Variants in CRADD observed in about 807,000 individuals in gnomAD.
The protein encoded by CRADD is CARD and death domain containing adaptor protein, also known as death domain-containing protein CRADD.
In CRADD, 9 loss-of-function variants were observed where a neutral mutation model predicts 15.5. That is an observed-to-expected ratio of 0.58 (90% confidence interval 0.35 to 1.01). The LOEUF is 1.01. CRADD is among the 50% of genes least tolerant of loss of function. CRADD has a pLI of 0.02. For synonymous variants in CRADD, 118 were observed against 107.6 expected (o/e 1.10, Z -0.60); for missense variants, 227 against 250.3 (o/e 0.91, Z 0.63).
At chr12:93,798,288 G>A (rs1262894433) in intron 2 of CRADD, among the ~76,000 whole-genome samples, 2 of 151,990 alleles carry the variant, frequency 1.3e-5, no homozygotes, top group East Asian at 3.9e-4. Flanking sequence ...AATGTTCTTG[G>A]GGACACTGCC....
At chr12:93,734,949 G>A (rs970507416) in intron 2 of CRADD, among the ~76,000 whole-genome samples, 6 of 152,132 alleles carry the variant, frequency 3.9e-5, no homozygotes, top group Non-Finnish European at 5.9e-5. Context: ...TACCATATGT[G>A]CTTTCTCATA....
chr12:93,689,143 A>G (rs557598432), intron 2 of CRADD, among the ~76,000 whole-genome samples: 8 of 152,276 alleles, frequency 5.3e-5, no homozygotes, highest in Non-Finnish European at 7.4e-5. Flanking sequence ...TGATCAGGAG[A>G]TAGTGTGTTG....
chr12:93,807,146 C>T (rs1957548499), intron 2 of CRADD, among the ~76,000 whole-genome samples: 1 of 152,150 alleles, frequency 6.6e-6, no homozygotes, highest in Non-Finnish European at 1.5e-5. Context: ...TGCCCAAAGG[C>T]TCTCAGGCAG....
chr12:93,887,735 A>T (rs983037864), intron 2 of CRADD, among the ~76,000 whole-genome samples: 2 of 152,224 alleles, frequency 1.3e-5, no homozygotes, highest in Non-Finnish European at 2.9e-5. Context: ...TAGTCACAAA[A>T]ATAAAATTTA....
chr12:93,719,079 A>G (rs1956214636), intron 2 of CRADD, among the ~76,000 whole-genome samples: 2 of 152,152 alleles, frequency 1.3e-5, no homozygotes, highest in Admixed American at 1.3e-4. Flanking sequence ...ACTGTTAAGT[A>G]TGATGTTAGC....
chr12:93,794,858 A>G (rs770118572), intron 2 of CRADD, among the ~76,000 whole-genome samples: 61 of 152,150 alleles, frequency 4.0e-4, no homozygotes, highest in African/African-American at 1.0e-3. Context: ...CTGTTCTTCA[A>G]ATATACCAAG....
chr12:93,867,405 T>TGTATATATATATATATATATA (rs1207739624), intron 2 of CRADD, among the ~76,000 whole-genome samples: 1 of 102,072 alleles, frequency 9.8e-6, no homozygotes, highest in African/African-American at 3.1e-5. Context: ...ATATATATAT[T>TGTATATATATATATATATATA]TTTTAAACTT....
rs931183565 is a variant in CRADD, at chr12:93,677,435, G to C, written c.-44G>C. On this transcript the variant is annotated 5_prime_UTR_variant, in exon 1 of 3. Coordinates refer to ENST00000332896, the MANE Select transcript of CRADD (RefSeq NM_003805.5). The stretch of plus-strand genomic sequence containing the variant: ...CCTAACAGTCAGGATTCCGGTTGCA[G>C]TTTTTCTCCCCCGCCCCAAAGATAC... The C allele has an allele frequency of 1.3e-5, 2 of 152,266 alleles. No homozygotes were observed. Among genetic ancestry groups the C allele is most frequent in the African/African-American group, 4.8e-5 (2 of 41,456 alleles). The allele number at this position is 152,266 out of a possible 1,614,324, so 9.4% of individuals were successfully genotyped here. A position where few individuals can be genotyped will look rare whatever the true frequency, so the allele number is the denominator to read the frequency against.
intron 2 of CRADD, among the ~76,000 whole-genome samples, chr12:93,716,158 C>T (rs1382897683): frequency 4.0e-5 from 6 of 150,974 alleles, no homozygotes; most frequent in African/African-American, 1.5e-4. Context: ...AAAAAAATTA[C>T]TTAGATGAGC....
chr12:93,886,562 G>A lies in CRADD; in HGVS notation c.299-7488G>A, dbSNP rs183714814. ...TCACATGATTTTGTTTCACCTGACG[G>A]TAGTCCAGCTGAATTCTGGAGATAG... On this transcript the variant is annotated intron_variant, in intron 2 of 2. Coordinates refer to the CRADD transcript ENST00000548483. Among the ~76,000 whole-genome samples the A allele has an allele frequency of 3.9e-3, 600 of 152,260 alleles. 3 individuals carry two copies. The highest frequency in any genetic ancestry group is 0.014 in the African/African-American group (569 of 41,556).
At chr12:93,794,629 C>T (rs1043092425) in intron 2 of CRADD, among the ~76,000 whole-genome samples, 1 of 152,190 alleles carries the variant, frequency 6.6e-6, no homozygotes, top group African/African-American at 2.4e-5. Flanking sequence ...TCCATATCAC[C>T]TCCTAATCCA....
At chr12:93,874,874 GA>G (rs200384381) in intron 2 of CRADD, among the ~76,000 whole-genome samples, 2 of 151,386 alleles carry the variant, frequency 1.3e-5, no homozygotes, top group African/African-American at 4.9e-5. Flanking sequence ...ATGTGCTGAG[GA>G]AAAAAAACGT....
intron 2 of CRADD, among the ~76,000 whole-genome samples, chr12:93,722,371 G>A (rs748303350): frequency 6.6e-6 from 1 of 151,828 alleles, no homozygotes; most frequent in Non-Finnish European, 1.5e-5. Flanking sequence ...CTGGATCTGT[G>A]GTTTGGTGTC....
chr12:93,879,067 AT>A (rs555764731), intron 2 of CRADD, among the ~76,000 whole-genome samples: 1 of 150,618 alleles, frequency 6.6e-6, no homozygotes, highest in Non-Finnish European at 1.5e-5. Flanking sequence ...TTTCCTCATG[AT>A]TTTTTTCTGT....
intron 2 of CRADD, among the ~76,000 whole-genome samples, chr12:93,781,703 A>G (rs1957212327): frequency 6.6e-6 from 1 of 152,254 alleles, no homozygotes; most frequent in African/African-American, 2.4e-5. Flanking sequence ...CCAGAAGCTC[A>G]TCAAACATGC....
intron 2 of CRADD, among the ~76,000 whole-genome samples, chr12:93,726,581 T>C (rs1394287514): frequency 6.6e-6 from 1 of 152,222 alleles, no homozygotes; most frequent in African/African-American, 2.4e-5. Context: ...GGTACATCTC[T>C]TTATCAGGAA....
At chr12:93,843,171 A>T (rs1958070056) in intron 2 of CRADD, among the ~76,000 whole-genome samples, 1 of 152,088 alleles carries the variant, frequency 6.6e-6, no homozygotes, top group African/African-American at 2.4e-5. Flanking sequence ...TAGCAATTAG[A>T]AGGTGCAAGC....
intron 2 of CRADD, among the ~76,000 whole-genome samples, chr12:93,845,026 C>T (rs1335690359): frequency 1.3e-5 from 2 of 152,120 alleles, no homozygotes; most frequent in Non-Finnish European, 2.9e-5. Context: ...TAGGAAGGCA[C>T]CTGGGGAGGC....
intron 2 of CRADD, among the ~76,000 whole-genome samples, chr12:93,773,813 GT>G (rs3030268): frequency 6.4e-4 from 56 of 87,562 alleles, no homozygotes; most frequent in African/African-American, 1.0e-3. Flanking sequence ...TACTTTGTGA[GT>G]TTTTTTTTTT....
Sources: gnomAD v4.1 joint callset for allele counts (sites outside exome capture counted in the v4.1 genomes callset) on GRCh38, gnomAD v4.1.1 for gene constraint, MANE v1.5 for transcripts, NCBI Gene and HGNC (gene_info 2026-07-23, HGNC 2026-07-21) for gene names.